LTBP1: variants seen among roughly 807,000 people sequenced by gnomAD.
The protein encoded by LTBP1 is latent-transforming growth factor beta-binding protein 1.
In LTBP1, 129 loss-of-function variants were observed where a neutral mutation model predicts 207.6. The observed-to-expected ratio is 0.62, with a 90% CI of 0.54 to 0.72. The LOEUF is 0.72. LTBP1 is among the 30% of genes least tolerant of loss of function. LTBP1 has a pLI of 0.00. For missense variants in LTBP1, 2,281 were observed against 2,217.2 expected, an observed-to-expected ratio of 1.03 and a Z score of -0.58; for synonymous variants, 963 against 833.7, an observed-to-expected ratio of 1.16 and a Z score of -2.67.
intron 23 of LTBP1, among the ~76,000 whole-genome samples, chr2:33,313,883 A>G (rs567660165): frequency 2.6e-5 from 4 of 152,310 alleles, no homozygotes; most frequent in African/African-American, 7.2e-5. Context: ...TAAACCAACA[A>G]TTAGGCAGTT....
intron 2 of LTBP1, among the ~76,000 whole-genome samples, chr2:33,002,696 A>C (rs373032921): frequency 1.3e-5 from 2 of 152,032 alleles, no homozygotes; most frequent in African/African-American, 4.8e-5. Flanking sequence ...TTTTTTTTAA[A>C]AAAAGGGGTC....
intron 19 of LTBP1, among the ~76,000 whole-genome samples, chr2:33,284,394 G>T (rs1334661616): frequency 6.6e-6 from 1 of 152,106 alleles, no homozygotes; most frequent in African/African-American, 2.4e-5. Flanking sequence ...GGCAACTCTT[G>T]TTGGCTCTTC....
chr2:32,950,148 C>T (rs571808770), intron 2 of LTBP1, among the ~76,000 whole-genome samples: 6 of 152,266 alleles, frequency 3.9e-5, no homozygotes, highest in African/African-American at 1.4e-4. Flanking sequence ...GTCCCCTCTC[C>T]CCTCAGTAAC....
intron 25 of LTBP1, among the ~76,000 whole-genome samples, chr2:33,345,289 A>G (rs72859594): frequency 0.024 from 3,623 of 152,228 alleles, 143 homozygotes; most frequent in African/African-American, 0.083. Flanking sequence ...ATGTACAATT[A>G]TTTTGTTCAT....
chr2:33,333,823 G>A (rs906043516), intron 24 of LTBP1, among the ~76,000 whole-genome samples: 3 of 152,084 alleles, frequency 2.0e-5, no homozygotes, highest in Non-Finnish European at 2.9e-5. Context: ...GACCGCATGT[G>A]AAGCCATCAG....
At chr2:33,251,851 C>G (rs2092696278) in intron 10 of LTBP1, among the ~76,000 whole-genome samples, 1 of 152,080 alleles carries the variant, frequency 6.6e-6, no homozygotes, top group East Asian at 1.9e-4. Context: ...GTAGAATACA[C>G]TCCATCCATA....
At position 33,398,609 on chromosome 2, in the gene LTBP1, A is replaced by G. The variant is rs2095381180; in HGVS notation, c.*64A>G. ...TGTGTAAAGGAAAAGGGAGAAATGT[A>G]TTATACTTGAGACATTGCACCTACC... On this transcript the variant is annotated 3_prime_UTR_variant, in exon 34 of 34. Transcript: ENST00000404816. The G allele has an allele frequency of 1.4e-6, 2 of 1,451,596 alleles. No homozygotes were observed. Among genetic ancestry groups the G allele is most frequent in the Non-Finnish European group, 1.9e-6 (2 of 1,074,040 alleles). The allele number at this position is 1,451,596 out of a possible 1,614,324, so 89.9% of individuals were successfully genotyped here.
intron 3 of LTBP1, among the ~76,000 whole-genome samples, chr2:33,046,061 T>C (rs1013492286): frequency 2.0e-5 from 3 of 152,212 alleles, no homozygotes; most frequent in African/African-American, 7.2e-5. Context: ...CATCTGCAAA[T>C]GGAGACAATT....
intron 26 of LTBP1, among the ~76,000 whole-genome samples, chr2:33,350,267 T>C (rs1236639167): frequency 2.0e-5 from 3 of 152,212 alleles, no homozygotes; most frequent in Non-Finnish European, 4.4e-5. Context: ...CAGGACAATC[T>C]ATATTCCAAC....
At chr2:33,018,110 T>A (rs575293086) in intron 2 of LTBP1, among the ~76,000 whole-genome samples, 8 of 152,270 alleles carry the variant, frequency 5.3e-5, no homozygotes, top group African/African-American at 1.9e-4. Flanking sequence ...ATATAACACG[T>A]TCTTTACTTT....
chr2:33,381,098 T>C (rs1029404321), intron 31 of LTBP1, among the ~76,000 whole-genome samples: 1 of 152,236 alleles, frequency 6.6e-6, no homozygotes, highest in Non-Finnish European at 1.5e-5. Flanking sequence ...TATTGTGTTG[T>C]TCAGTCTTGT....
chr2:33,037,868 C>T (rs1020255102), intron 3 of LTBP1, among the ~76,000 whole-genome samples: 1 of 152,174 alleles, frequency 6.6e-6, no homozygotes, highest in African/African-American at 2.4e-5. Context: ...CAGGTGTGTG[C>T]CACCATAGCC....
At chr2:33,389,567 C>A (rs984484260) in intron 32 of LTBP1, among the ~76,000 whole-genome samples, 18 of 152,128 alleles carry the variant, frequency 1.2e-4, no homozygotes, top group Non-Finnish European at 1.8e-4. Context: ...CACAATGAGA[C>A]CCTATCTCAA....
chr2:33,101,733 T>C (rs575336434), intron 3 of LTBP1, among the ~76,000 whole-genome samples: 2 of 152,342 alleles, frequency 1.3e-5, no homozygotes, highest in South Asian at 4.1e-4. Context: ...AAATAGGAGA[T>C]GGCTACAATT....
At chr2:33,119,661 A>G (rs2080985790) in intron 4 of LTBP1, among the ~76,000 whole-genome samples, 2 of 152,076 alleles carry the variant, frequency 1.3e-5, no homozygotes, top group South Asian at 2.1e-4. Context: ...GGTTCATGCC[A>G]TTCTTCTGCC....
chr2:32,998,538 AAAAAAAAAG>A lies in LTBP1; in HGVS notation c.566-22370_566-22362del, dbSNP rs1685641124. On this transcript the variant is annotated intron_variant, in intron 2 of 33. Transcript: ENST00000404816. The stretch of plus-strand genomic sequence containing the variant: ...AAAAAAAAAAAAAAAAAAAAAAAAA[AAAAAAAAAG>A]GTTGTTATGAACTGAATGTTTGTGT... Among the ~76,000 whole-genome samples the A allele has an allele frequency of 1.3e-5, 2 of 148,166 alleles. 1 individual carries two copies. The highest frequency in any genetic ancestry group is 4.2e-4 in the South Asian group (2 of 4,750).
intron 2 of LTBP1, among the ~76,000 whole-genome samples, chr2:32,959,114 T>G (rs1678575665): frequency 6.6e-6 from 1 of 152,224 alleles, no homozygotes; most frequent in African/African-American, 2.4e-5. Context: ...GAAAATGTTG[T>G]GTTTTGTAAA....
At chr2:33,203,605 C>G (rs542129545) in intron 7 of LTBP1, among the ~76,000 whole-genome samples, 1 of 152,268 alleles carries the variant, frequency 6.6e-6, no homozygotes, top group East Asian at 1.9e-4. Flanking sequence ...TTCATTGGTT[C>G]TCCCTAAGCC....
chr2:33,078,435 A>G (rs2078201165), intron 3 of LTBP1, among the ~76,000 whole-genome samples: 1 of 152,256 alleles, frequency 6.6e-6, no homozygotes. Flanking sequence ...AGAGTGAATA[A>G]TAATGCTAAT....
Sources: allele counts gnomAD v4.1 joint callset (sites outside exome capture counted in the v4.1 genomes callset), GRCh38; gene constraint gnomAD v4.1.1; transcripts MANE v1.5; gene names NCBI Gene and HGNC (gene_info 2026-07-23, HGNC 2026-07-21).